Variants in CFH observed in about 807,000 individuals in gnomAD.
CFH encodes the protein H factor 1 (complement).
A neutral mutation model predicts 147.3 loss-of-function variants in CFH; 53 were observed. That is an observed-to-expected ratio of 0.36 (90% confidence interval 0.29 to 0.45). The LOEUF (loss-of-function observed/expected upper bound fraction) is 0.45. Among genes scored for constraint, CFH ranks in the 20% least tolerant of loss-of-function variants. CFH has a pLI of 1.00. For missense variants in CFH, 1,380 were observed against 1,498.0 expected (o/e 0.92, Z 1.30); for synonymous variants, 536 against 489.4 (o/e 1.10, Z -1.26).
At chr1:196,674,542 G>A (rs941125866) in intron 3 of CFH, among the ~76,000 whole-genome samples, 1 of 151,970 alleles carries the variant, frequency 6.6e-6, no homozygotes, top group African/African-American at 2.4e-5. Flanking sequence ...TATCCTCAGT[G>A]TTATTTTATC....
chr1:196,673,460 C>T (rs1342052069), intron 2 of CFH: 5 of 401,980 alleles, frequency 1.2e-5, no homozygotes, highest in Non-Finnish European at 2.3e-5. Flanking sequence ...CCTCAACTTC[C>T]CGAGTAGCTG....
Position 196,697,216 on chromosome 1 carries a change from G to A in CFH, c.1336+6977G>A, listed in dbSNP as rs533078959. ...AAGAAACTACCATCAGAGTGAACAG[G>A]CAACCTACAGAATGGGAGAAAATTT... is the stretch of plus-strand genomic sequence containing the variant. On this transcript the variant is annotated intron_variant, in intron 9 of 21. Coordinates refer to ENST00000367429, the MANE Select transcript of CFH (RefSeq NM_000186.4). Among the ~76,000 whole-genome samples the A allele has an allele frequency of 2.0e-5, 3 of 151,964 alleles. No homozygotes were observed. The South Asian group carries it at 6.2e-4, about 32-fold the overall frequency.
chr1:196,746,180 T>A (rs1207437904), intron 21 of CFH, among the ~76,000 whole-genome samples, 181 bp downstream of exon 21: 1 of 152,212 alleles, frequency 6.6e-6, no homozygotes, highest in East Asian at 1.9e-4. Flanking sequence ...GTGCGGTGGC[T>A]CACACCTGTA....
intron 9 of CFH, among the ~76,000 whole-genome samples, chr1:196,692,897 C>CCTTCCTTCCTTCCTTCCTT (rs1558163953): frequency 2.9e-5 from 2 of 68,988 alleles, no homozygotes; most frequent in Admixed American, 1.6e-4. Flanking sequence ...CTCCCTCCCT[C>CCTTCCTTCCTTCCTTCCTT]CCTCCCTTCC....
intron 6 of CFH, among the ~76,000 whole-genome samples, chr1:196,683,107 G>A (rs1335532655): frequency 1.3e-5 from 2 of 151,302 alleles, no homozygotes; most frequent in Admixed American, 1.3e-4. Context: ...ATTAAGTAAA[G>A]TACAAGAGGA....
chr1:196,745,552 AT>A (rs1558186708), intron 20 of CFH, among the ~76,000 whole-genome samples: 1 of 152,202 alleles, frequency 6.6e-6, no homozygotes, highest in Non-Finnish European at 1.5e-5. Context: ...GCATGTATTC[AT>A]TCGGAAAGAC....
intron 17 of CFH, among the ~76,000 whole-genome samples, chr1:196,738,701 C>T (rs1652682339): frequency 6.6e-6 from 1 of 152,202 alleles, no homozygotes; most frequent in South Asian, 2.1e-4. Flanking sequence ...CATGGGCTGG[C>T]ATTGAGTGTC....
chr1:196,680,942 G>C (rs990984871), intron 6 of CFH, among the ~76,000 whole-genome samples: 17 of 151,822 alleles, frequency 1.1e-4, no homozygotes, highest in African/African-American at 4.1e-4. Flanking sequence ...ATTTTAGAAA[G>C]AAATTAATGA....
At chr1:196,737,116 C>T (rs2149113317) in intron 16 of CFH, 110 bp downstream of exon 16, 4 of 998,338 alleles carry the variant, frequency 4.0e-6, no homozygotes, top group Non-Finnish European at 6.0e-6. Flanking sequence ...TTACTTTATC[C>T]TGACAAAATA....
chr1:196,698,561 T>A (rs775515271), intron 9 of CFH, among the ~76,000 whole-genome samples: 2 of 152,086 alleles, frequency 1.3e-5, no homozygotes, highest in Non-Finnish European at 2.9e-5. Context: ...AAACACAAGT[T>A]CTGAAATTGT....
At chr1:196,659,608 G>T (rs1257011959) in intron 1 of CFH, among the ~76,000 whole-genome samples, 1 of 152,176 alleles carries the variant, frequency 6.6e-6, no homozygotes, top group Non-Finnish European at 1.5e-5. Context: ...TTAAGAGGTA[G>T]TTAATGCTGA....
At chr1:196,742,490 A>C (rs1380915526) in intron 19 of CFH, among the ~76,000 whole-genome samples, 3 of 152,222 alleles carry the variant, frequency 2.0e-5, no homozygotes, top group Admixed American at 1.3e-4. Flanking sequence ...GACATAAATT[A>C]AGTTTTTACG....
intron 7 of CFH, 31 bp from the exon 8 acceptor site, chr1:196,689,389 T>C (rs1048470013): frequency 3.8e-6 from 6 of 1,582,244 alleles, no homozygotes; most frequent in Admixed American, 1.7e-5. Context: ...GTAAAATTTC[T>C]TTATACTTTT....
chr1:196,656,309 G>GAAAA (rs111440999), intron 1 of CFH, among the ~76,000 whole-genome samples: 2 of 85,036 alleles, frequency 2.4e-5, no homozygotes, highest in African/African-American at 3.1e-5. Flanking sequence ...ATCTCAAAAA[G>GAAAA]AAAAAAAAAA....
chr1:196,677,333 G>T, intron 4 of CFH, 143 bp from the exon 5 acceptor site: 1 of 706,192 alleles, frequency 1.4e-6, no homozygotes, highest in Non-Finnish European at 2.4e-6. Context: ...AGTATCTCTA[G>T]CAAACAGGTA....
intron 17 of CFH, among the ~76,000 whole-genome samples, chr1:196,738,976 C>A (rs907339706): frequency 6.6e-6 from 1 of 152,228 alleles, no homozygotes; most frequent in Non-Finnish European, 1.5e-5. Context: ...AACCTCAATT[C>A]TTGACTTGTG....
In CFH at chr1:196,673,046, C is replaced by A. The variant is rs764941928; in HGVS notation, c.127C>A (p.Pro43Thr). The A allele has an allele frequency of 1.9e-6, 3 of 1,613,902 alleles. No homozygotes were observed. The highest frequency in any genetic ancestry group is 1.1e-5 in the South Asian group (1 of 91,092). ...LTGSWSDQTY[P>T]EGTQAIYKCR... ...AGGTTCCTGGTCTGACCAAACATAT[C>A]CAGAAGGCACCCAGGCTATCTATAA... Residue 43 changes from proline (P) to threonine (T), a missense_variant, in exon 2 of 22, where the codon CCA becomes ACA. Around this residue, in one of 4 missense-constraint regions of CFH, gnomAD observed 260 missense variants for 263.3 expected, o/e 0.99. Transcript: ENST00000367429.
chr1:196,697,430 G>T (rs1478401465), intron 9 of CFH, among the ~76,000 whole-genome samples: 1 of 152,200 alleles, frequency 6.6e-6, no homozygotes, highest in African/African-American at 2.4e-5. Flanking sequence ...GGTCATTAGA[G>T]AAATGCAAAT....
In CFH at chr1:196,679,629, C is replaced by T. The variant is rs779540470; in HGVS notation, c.626C>T (p.Ser209Leu). The change falls in exon 6 of 22, where the codon TCA (serine) becomes TTA (leucine). Residue 209 changes from serine (S) to leucine (L), a missense_variant. By Grantham distance (145) the Ser-to-Leu change is moderately radical. Coordinates refer to ENST00000367429, the MANE Select transcript of CFH (RefSeq NM_000186.4). ...TTTAATCCCTTTTATTTAGAAATTT[C>T]ATGCAAATCCCCAGATGTTATAAAT... ...SKEKPKCVEI[S>L]CKSPDVINGS... The T allele has an allele frequency of 1.6e-5, 26 of 1,600,736 alleles. No homozygotes were observed. The highest frequency in any genetic ancestry group is 2.1e-5 in the Non-Finnish European group (25 of 1,169,518).
Sources: allele counts gnomAD v4.1 joint callset (sites outside exome capture counted in the v4.1 genomes callset), GRCh38; gene constraint gnomAD v4.1.1; regional missense constraint gnomAD v4.1.1; transcripts MANE v1.5; gene names NCBI Gene and HGNC (gene_info 2026-07-23, HGNC 2026-07-21).